SEMA3D: variants seen among roughly 807,000 people sequenced by gnomAD.
SEMA3D encodes the protein semaphorin 3D, also known as semaphorin-3D.
In SEMA3D, 84 loss-of-function variants were observed where a neutral mutation model predicts 100.1. The ratio of observed to expected loss-of-function variants is 0.84; its 90% CI spans 0.70 to 1.01. The LOEUF (loss-of-function observed/expected upper bound fraction) is 1.01. SEMA3D is among the 50% of genes least tolerant of loss of function. The pLI, the probability that SEMA3D is intolerant of heterozygous loss-of-function variation, is 0.00. For missense variants in SEMA3D, 875 were observed against 934.1 expected (o/e 0.94, Z 0.82); for synonymous variants, 312 against 320.7 (o/e 0.97, Z 0.29).
intron 1 of SEMA3D, chr7:85,167,259 T>C (rs1338970709): frequency 1.0e-6 from 1 of 984,574 alleles, no homozygotes; most frequent in Non-Finnish European, 1.2e-6. Context: ...CATCTGGAGG[T>C]CTTGGCTGGT....
intron 9 of SEMA3D, among the ~76,000 whole-genome samples, chr7:85,043,434 C>G (rs188405037): frequency 6.6e-6 from 1 of 152,200 alleles, no homozygotes; most frequent in African/African-American, 2.4e-5. Context: ...TATTTTTACT[C>G]TGAAATGGTT....
the SEMA3D span, among the ~76,000 whole-genome samples, chr7:85,215,117 C>CTTTTTTTT: frequency 7.8e-6 from 1 of 128,304 alleles, no homozygotes. Flanking sequence ...TTCTTTCTTT[C>CTTTTTTTT]TTTTTTTTTT....
At chr7:85,186,059 T>C (rs950501731) in intron 1 of SEMA3D, among the ~76,000 whole-genome samples, 1 of 152,138 alleles carries the variant, frequency 6.6e-6, no homozygotes, top group African/African-American at 2.4e-5. Flanking sequence ...ACGTCGCGAT[T>C]CCCCGGCGAA....
At chr7:85,153,770 C>G (rs535714656) in intron 1 of SEMA3D, 31 bp from the exon 2 acceptor site, 1 of 152,226 alleles carries the variant, frequency 6.6e-6, no homozygotes, top group Non-Finnish European at 1.5e-5. Context: ...TACTGTAGTT[C>G]CAGTCCAAAC....
At chr7:85,117,790 AT>A (rs1562824680) in intron 3 of SEMA3D, among the ~76,000 whole-genome samples, 7 of 148,778 alleles carry the variant, frequency 4.7e-5, no homozygotes, top group Non-Finnish European at 8.8e-5. Flanking sequence ...GTATGTATGT[AT>A]GTATGTATGT....
chr7:85,026,577 A>G (rs377633159), intron 12 of SEMA3D, among the ~76,000 whole-genome samples: 1 of 152,102 alleles, frequency 6.6e-6, no homozygotes, highest in African/African-American at 2.4e-5. Context: ...TGGTAAGACT[A>G]TCATAGTCTA....
chr7:85,061,537 C>T (rs564973219), intron 8 of SEMA3D, among the ~76,000 whole-genome samples: 1 of 152,096 alleles, frequency 6.6e-6, no homozygotes. Flanking sequence ...ACTCACTTGT[C>T]GCAGTTCATC....
intron 12 of SEMA3D, among the ~76,000 whole-genome samples, chr7:85,031,061 C>T (rs757571961): frequency 6.6e-6 from 1 of 151,954 alleles, no homozygotes; most frequent in Non-Finnish European, 1.5e-5. Context: ...TGCATTCTTG[C>T]TTTTCTAGGC....
intron 2 of SEMA3D, among the ~76,000 whole-genome samples, chr7:85,133,086 A>T (rs191719869): frequency 6.6e-5 from 10 of 151,900 alleles, no homozygotes; most frequent in Admixed American, 2.6e-4. Context: ...ACATATTTAT[A>T]AAAAAAACCT....
the SEMA3D span, among the ~76,000 whole-genome samples, chr7:85,242,577 C>G: frequency 6.6e-6 from 1 of 152,134 alleles, no homozygotes; most frequent in Non-Finnish European, 1.5e-5. Context: ...TTGACTTAAA[C>G]TCTGTTCCTA....
chr7:85,149,283 A>G (rs1351832412), intron 2 of SEMA3D, among the ~76,000 whole-genome samples: 3 of 151,536 alleles, frequency 2.0e-5, no homozygotes, highest in African/African-American at 7.3e-5. Context: ...TGCCTCCCCA[A>G]ATAAATAAGT....
chr7:85,034,544 T>C (rs910873650), intron 12 of SEMA3D, among the ~76,000 whole-genome samples: 1 of 151,926 alleles, frequency 6.6e-6, no homozygotes, highest in African/African-American at 2.4e-5. Context: ...GAGGCAGAGG[T>C]TGCAGTGAGC....
chr7:85,225,099 T>TACAC, the SEMA3D span, among the ~76,000 whole-genome samples: 1 of 25,004 alleles, frequency 4.0e-5, no homozygotes, highest in African/African-American at 4.4e-4. Context: ...TATATATATA[T>TACAC]ATATATACAT....
chr7:85,051,043 T>C (rs1018525319), intron 9 of SEMA3D, among the ~76,000 whole-genome samples: 2 of 151,972 alleles, frequency 1.3e-5, no homozygotes, highest in East Asian at 3.9e-4. Flanking sequence ...CAATCTCTTA[T>C]AGTAAATTGT....
chr7:85,052,361 C>A (rs1791190365), intron 9 of SEMA3D, among the ~76,000 whole-genome samples: 2 of 151,886 alleles, frequency 1.3e-5, no homozygotes, highest in African/African-American at 2.4e-5. Flanking sequence ...TCTTATCAAC[C>A]AACTTACCAC....
intron 8 of SEMA3D, among the ~76,000 whole-genome samples, chr7:85,062,082 T>A (rs1456450223): frequency 6.6e-6 from 1 of 152,186 alleles, no homozygotes; most frequent in South Asian, 2.1e-4. Context: ...TGAACTGTAT[T>A]ATACAATGGA....
chr7:85,192,276 G>C, the SEMA3D span, among the ~76,000 whole-genome samples: 46 of 152,010 alleles, frequency 3.0e-4, 2 homozygotes, highest in Non-Finnish European at 2.9e-5. Context: ...TGTCATTTAA[G>C]TAACTTAGTA....
chr7:85,193,601 A>T, the SEMA3D span, among the ~76,000 whole-genome samples: 1 of 152,108 alleles, frequency 6.6e-6, no homozygotes, highest in Non-Finnish European at 1.5e-5. Flanking sequence ...TTGCAAGTAG[A>T]AAATATTCAA....
At chr7:85,214,879 T>C in the SEMA3D span, among the ~76,000 whole-genome samples, 6 of 151,958 alleles carry the variant, frequency 3.9e-5, no homozygotes, top group Non-Finnish European at 1.5e-5. Context: ...CTGATCAAAC[T>C]ATGTACGTAT....
Sources: allele counts gnomAD v4.1 joint callset (sites outside exome capture counted in the v4.1 genomes callset), GRCh38; gene constraint gnomAD v4.1.1; transcripts MANE v1.5; gene names NCBI Gene and HGNC (gene_info 2026-07-23, HGNC 2026-07-21).